The following CLDN10 variants were observed in gnomAD, a reference collection of about 807,000 sequenced individuals.
The protein encoded by CLDN10 is claudin 10.
CLDN10 carries 15 observed loss-of-function variants against 22.9 expected under a neutral mutation model. That is an observed-to-expected ratio of 0.65 (90% CI 0.44 to 1.01). The LOEUF is 1.01. Among genes scored for constraint, CLDN10 ranks in the 50% least tolerant of loss-of-function variants. The pLI is 0.00. For synonymous variants in CLDN10, 114 were observed against 111.4 expected, an observed-to-expected ratio of 1.02 and a Z score of -0.15; for missense variants, 247 against 287.8, an observed-to-expected ratio of 0.86 and a Z score of 1.03.
At chr13:95,506,646 A>C (rs1029582272) in intron 1 of CLDN10, among the ~76,000 whole-genome samples, 2 of 152,182 alleles carry the variant, frequency 1.3e-5, no homozygotes, top group African/African-American at 4.8e-5. Context: ...CAGTCAGGAC[A>C]ACAGTTGGTG....
rs2043465398 is a variant in CLDN10, at chr13:95,542,074, T to C, written c.215-18058T>C. Among the ~76,000 whole-genome samples, 3 of 152,164 alleles carry C rather than the reference T, an allele frequency of 2.0e-5. No homozygotes were observed. The South Asian group carries it at 6.2e-4, about 32-fold the overall frequency. On this transcript the variant is annotated intron_variant, in intron 1 of 4. Coordinates refer to the CLDN10 transcript ENST00000376873. Reference sequence around the variant, plus strand: ...AAGTGGAAGCTTGCATGTCACATGGTCACATGGCCAGAGCAAGAGCAAGAG... The same window carrying C: ...AAGTGGAAGCTTGCATGTCACATGGCCACATGGCCAGAGCAAGAGCAAGAG...
chr13:95,574,975 G>A (rs2043905846), intron 3 of CLDN10, among the ~76,000 whole-genome samples: 1 of 151,954 alleles, frequency 6.6e-6, no homozygotes, highest in Non-Finnish European at 1.5e-5. Context: ...TGAACTCATT[G>A]TGCCAAGCTA....
intron 1 of CLDN10, among the ~76,000 whole-genome samples, chr13:95,513,841 C>T (rs962363383): frequency 1.9e-4 from 29 of 152,154 alleles, no homozygotes; most frequent in Non-Finnish European, 1.8e-4. Context: ...AATATATAAT[C>T]TGACAGCTTT....
chr13:95,512,049 A>C (rs1484558138), intron 1 of CLDN10, among the ~76,000 whole-genome samples: 1 of 132,970 alleles, frequency 7.5e-6, no homozygotes, highest in Non-Finnish European at 1.7e-5. Flanking sequence ...AATATGAGCA[A>C]TGTGTTTGAC....
At chr13:95,570,677 C>T (rs1456601172) in intron 3 of CLDN10, among the ~76,000 whole-genome samples, 3 of 151,620 alleles carry the variant, frequency 2.0e-5, no homozygotes, top group African/African-American at 7.3e-5. Context: ...TTGCAGTTGT[C>T]TTGACTGGAT....
At chr13:95,475,052 C>T (rs1276901814) in intron 1 of CLDN10, among the ~76,000 whole-genome samples, 2 of 152,196 alleles carry the variant, frequency 1.3e-5, no homozygotes, top group African/African-American at 4.8e-5. Flanking sequence ...GAATTGGCTC[C>T]TCTCTGCTAA....
chr13:95,493,382 T>C (rs1341762061), intron 1 of CLDN10, among the ~76,000 whole-genome samples: 1 of 152,106 alleles, frequency 6.6e-6, no homozygotes, highest in East Asian at 1.9e-4. Context: ...ATCCGCATTG[T>C]TATGCAACCA....
At chr13:95,458,452 G>T (rs1035464502) in intron 1 of CLDN10, among the ~76,000 whole-genome samples, 1 of 152,180 alleles carries the variant, frequency 6.6e-6, no homozygotes, top group African/African-American at 2.4e-5. Context: ...TGCATGGCTG[G>T]AAAGGCCTCA....
chr13:95,490,118 T>C (rs2042855498), intron 1 of CLDN10, among the ~76,000 whole-genome samples: 1 of 152,224 alleles, frequency 6.6e-6, no homozygotes, highest in Non-Finnish European at 1.5e-5. Context: ...TTGGTGACTA[T>C]GGCTTTATAG....
intron 1 of CLDN10, among the ~76,000 whole-genome samples, chr13:95,476,695 GGAGA>G (rs2042689036): frequency 6.6e-6 from 1 of 152,012 alleles, no homozygotes; most frequent in Admixed American, 6.6e-5. Context: ...AGTAGGAGAT[GGAGA>G]GAGAAAGGAG....
intron 1 of CLDN10, among the ~76,000 whole-genome samples, chr13:95,518,719 A>G (rs2043194914): frequency 6.6e-6 from 1 of 152,122 alleles, no homozygotes; most frequent in Admixed American, 6.6e-5. Context: ...AGATTGCACC[A>G]CTGCACTCCA....
At chr13:95,505,174 C>T (rs1455173037) in intron 1 of CLDN10, among the ~76,000 whole-genome samples, 1 of 152,190 alleles carries the variant, frequency 6.6e-6, no homozygotes, top group Non-Finnish European at 1.5e-5. Context: ...ATAATTCTAA[C>T]ACTATGTTGA....
intron 1 of CLDN10, among the ~76,000 whole-genome samples, chr13:95,477,909 C>T (rs1290436146): frequency 2.0e-5 from 3 of 152,148 alleles, no homozygotes; most frequent in Non-Finnish European, 2.9e-5. Context: ...GAGGAGTCCT[C>T]TAACAATGAA....
chr13:95,519,641 A>G (rs1341040508), intron 1 of CLDN10, among the ~76,000 whole-genome samples: 3 of 152,254 alleles, frequency 2.0e-5, no homozygotes, highest in Non-Finnish European at 2.9e-5. Context: ...ACAAATTTCT[A>G]ACTCAGTCCT....
At chr13:95,564,773 G>A (rs777612467) in intron 3 of CLDN10, among the ~76,000 whole-genome samples, 10 of 152,146 alleles carry the variant, frequency 6.6e-5, no homozygotes, top group African/African-American at 1.4e-4. Flanking sequence ...AAAAATGAGT[G>A]GCTTCTAGCA....
intron 1 of CLDN10, among the ~76,000 whole-genome samples, chr13:95,483,650 G>C (rs1401155453): frequency 1.3e-5 from 2 of 152,216 alleles, no homozygotes; most frequent in African/African-American, 2.4e-5. Context: ...GTGACGTTGA[G>C]CTACAACCCA....
At chr13:95,486,152 T>A (rs1398492838) in intron 1 of CLDN10, among the ~76,000 whole-genome samples, 1 of 152,178 alleles carries the variant, frequency 6.6e-6, no homozygotes, top group East Asian at 2.0e-4. Flanking sequence ...ATGCTAGGCT[T>A]CTGTTGTGCC....
At chr13:95,530,264 C>T (rs745388914) in intron 1 of CLDN10, among the ~76,000 whole-genome samples, 1 of 152,176 alleles carries the variant, frequency 6.6e-6, no homozygotes, top group Non-Finnish European at 1.5e-5. Flanking sequence ...GCACTGAAAG[C>T]CCTGTGACAT....
At chr13:95,572,896 G>A (rs1455164475) in intron 3 of CLDN10, among the ~76,000 whole-genome samples, 1 of 152,146 alleles carries the variant, frequency 6.6e-6, no homozygotes, top group Non-Finnish European at 1.5e-5. Context: ...TAGGGATTTG[G>A]GTGCCAGGAA....
Sources: gnomAD v4.1 joint callset for allele counts (sites outside exome capture counted in the v4.1 genomes callset) on GRCh38, gnomAD v4.1.1 for gene constraint, MANE v1.5 for transcripts, NCBI Gene and HGNC (gene_info 2026-07-23, HGNC 2026-07-21) for gene names.